The following SYNPR variants were observed in gnomAD, a reference collection of about 807,000 sequenced individuals.
SYNPR encodes the protein synaptoporin.
A neutral mutation model predicts 32.9 loss-of-function variants in SYNPR; 23 were observed. The ratio of observed to expected loss-of-function variants is 0.70; its 90% CI spans 0.50 to 0.99. SYNPR has a LOEUF of 0.99. SYNPR is among the 50% of genes least tolerant of loss of function. The pLI is 0.00. For synonymous variants in SYNPR, 146 were observed against 135.9 expected (o/e 1.07, Z -0.52); for missense variants, 318 against 349.3 (o/e 0.91, Z 0.71).
chr3:63,267,808 C>G (rs890423487), intron 3 of SYNPR, among the ~76,000 whole-genome samples: 1 of 152,000 alleles, frequency 6.6e-6, no homozygotes, highest in Non-Finnish European at 1.5e-5. Context: ...GACCGTACAC[C>G]TTTTTATTAA....
intron 3 of SYNPR, among the ~76,000 whole-genome samples, chr3:63,507,727 G>A (rs1379788098): frequency 6.6e-6 from 1 of 152,060 alleles, no homozygotes; most frequent in Non-Finnish European, 1.5e-5. Context: ...GAAACTAGAG[G>A]AAGAGTATAT....
At chr3:63,221,158 G>A in the SYNPR span, among the ~76,000 whole-genome samples, 5 of 152,038 alleles carry the variant, frequency 3.3e-5, no homozygotes, top group Admixed American at 6.6e-5. Flanking sequence ...TCAAACAGGC[G>A]CTTGGGTAAA....
intron 1 of SYNPR, among the ~76,000 whole-genome samples, chr3:63,249,838 T>C (rs1195852151): frequency 1.3e-5 from 2 of 152,176 alleles, no homozygotes; most frequent in South Asian, 2.1e-4. Context: ...AGCTGGTATA[T>C]TGATTGCATG....
At chr3:63,261,321 G>A (rs1296412607) in intron 2 of SYNPR, among the ~76,000 whole-genome samples, 3 of 152,002 alleles carry the variant, frequency 2.0e-5, no homozygotes, top group African/African-American at 7.3e-5. Context: ...CAAGCCAAAT[G>A]TCCAACAATG....
intron 2 of SYNPR, among the ~76,000 whole-genome samples, chr3:63,307,599 C>T (rs1224021887): frequency 6.6e-6 from 1 of 151,986 alleles, no homozygotes; most frequent in African/African-American, 2.4e-5. Flanking sequence ...CACCACCCTT[C>T]CTTTCCCTGC....
intron 1 of SYNPR, among the ~76,000 whole-genome samples, chr3:63,238,618 C>T (rs1216535459): frequency 1.3e-5 from 2 of 152,058 alleles, no homozygotes; most frequent in South Asian, 4.1e-4. Context: ...CAAATTTTCA[C>T]GGTTTTCTTA....
At chr3:63,451,674 A>T (rs1700382352) in intron 2 of SYNPR, among the ~76,000 whole-genome samples, 2 of 151,990 alleles carry the variant, frequency 1.3e-5, no homozygotes, top group Admixed American at 1.3e-4. Flanking sequence ...TCCCCTCTCC[A>T]CATGATCCTG....
chr3:63,343,000 C>T (rs1051496024), intron 2 of SYNPR, among the ~76,000 whole-genome samples: 8 of 151,892 alleles, frequency 5.3e-5, no homozygotes, highest in Admixed American at 1.3e-4. Flanking sequence ...AAAGGCCTGC[C>T]GGAGGAGGTG....
intron 2 of SYNPR, among the ~76,000 whole-genome samples, chr3:63,322,415 G>T (rs1323931191): frequency 6.6e-6 from 1 of 152,040 alleles, no homozygotes; most frequent in African/African-American, 2.4e-5. Flanking sequence ...GGAAACAAAG[G>T]CACAAAGGTG....
In SYNPR at chr3:63,444,049, G is replaced by A. The variant is rs1325250828; in HGVS notation, c.85-36783G>A. On this transcript the variant is annotated intron_variant, in intron 2 of 5. Coordinates refer to ENST00000478300, the MANE Select transcript of SYNPR (RefSeq NM_001130003.2). ...AAAAGTATTCAGATCACTAAATGAA[G>A]TCCTAGCATGCCATGAAAAGCTACA... 3.9e-5 allele frequency among the ~76,000 whole-genome samples: 6 copies of A among 152,292 alleles called. No individual in the cohort carries two copies. The East Asian group carries it at 7.7e-4, about 20-fold the overall frequency.
chr3:63,434,448 A>C (rs1700044384), intron 2 of SYNPR, among the ~76,000 whole-genome samples: 1 of 152,232 alleles, frequency 6.6e-6, no homozygotes. Flanking sequence ...TCATCAATAC[A>C]CTCAGTTGGC....
At chr3:63,428,950 C>T (rs553271805) in intron 2 of SYNPR, among the ~76,000 whole-genome samples, 5 of 152,208 alleles carry the variant, frequency 3.3e-5, no homozygotes, top group Admixed American at 1.3e-4. Flanking sequence ...AGAAAAGCCA[C>T]AAAGTCACAT....
At chr3:63,269,544 C>T (rs893432142) in intron 3 of SYNPR, among the ~76,000 whole-genome samples, 26 of 152,020 alleles carry the variant, frequency 1.7e-4, no homozygotes, top group Non-Finnish European at 3.5e-4. Context: ...ACAGCCACTC[C>T]TCTTTGGCTC....
At chr3:63,309,788 T>C (rs1560187261) in intron 2 of SYNPR, among the ~76,000 whole-genome samples, 1 of 152,024 alleles carries the variant, frequency 6.6e-6, no homozygotes, top group East Asian at 1.9e-4. Flanking sequence ...CCCTCTACAC[T>C]GCTTACTCCA....
At chr3:63,246,810 G>A (rs1481528701) in intron 1 of SYNPR, among the ~76,000 whole-genome samples, 3 of 151,922 alleles carry the variant, frequency 2.0e-5, no homozygotes, top group Admixed American at 6.6e-5. Context: ...TTCAAAACTT[G>A]GATAAGATTT....
At chr3:63,318,227 G>A (rs2087065091) in intron 2 of SYNPR, among the ~76,000 whole-genome samples, 1 of 151,982 alleles carries the variant, frequency 6.6e-6, no homozygotes, top group Non-Finnish European at 1.5e-5. Flanking sequence ...TGATGACAAT[G>A]TGCCTAGGCA....
intron 3 of SYNPR, among the ~76,000 whole-genome samples, chr3:63,488,734 C>T (rs1283977448): frequency 6.6e-6 from 1 of 152,028 alleles, no homozygotes; most frequent in East Asian, 1.9e-4. Flanking sequence ...AAATTGGCAC[C>T]AGAATTCAGC....
intron 1 of SYNPR, among the ~76,000 whole-genome samples, chr3:63,232,074 C>T (rs2086170640): frequency 6.6e-6 from 1 of 151,648 alleles, no homozygotes; most frequent in South Asian, 2.1e-4. Context: ...TGGAAAAAAG[C>T]ACAGGAGATA....
intron 2 of SYNPR, among the ~76,000 whole-genome samples, chr3:63,438,949 T>C (rs772951687): frequency 1.3e-5 from 2 of 152,224 alleles, no homozygotes; most frequent in Non-Finnish European, 2.9e-5. Flanking sequence ...CCTCTGGCTC[T>C]GGATTTTCCT....
Sources: gnomAD v4.1 joint callset for allele counts (sites outside exome capture counted in the v4.1 genomes callset) on GRCh38, gnomAD v4.1.1 for gene constraint, MANE v1.5 for transcripts, NCBI Gene and HGNC (gene_info 2026-07-23, HGNC 2026-07-21) for gene names.